Variants in MKLN1 observed in about 807,000 individuals in gnomAD.
MKLN1 encodes the protein muskelin.
In MKLN1, 18 loss-of-function variants were observed where a neutral mutation model predicts 99.0. That is an observed-to-expected ratio of 0.18 (90% CI 0.13 to 0.27). The LOEUF (loss-of-function observed/expected upper bound fraction) is 0.27. Ranked by LOEUF, MKLN1 falls within the 10% of genes least tolerant of loss-of-function variation. The pLI is 1.00. For missense variants in MKLN1, 621 were observed against 875.9 expected (o/e 0.71, Z 3.67); for synonymous variants, 288 against 293.2 (o/e 0.98, Z 0.18).
chr7:131,268,452 T>C (rs1797839017), intron 3 of MKLN1, among the ~76,000 whole-genome samples: 1 of 152,212 alleles, frequency 6.6e-6, no homozygotes, highest in Admixed American at 6.5e-5. Flanking sequence ...ATTGTTCTTG[T>C]CAAGGTCCAA....
intron 3 of MKLN1, among the ~76,000 whole-genome samples, chr7:131,264,241 T>A (rs1797775366): frequency 6.6e-6 from 1 of 152,216 alleles, no homozygotes. Context: ...TATGGCATTT[T>A]AAAATAGCCC....
At chr7:131,160,489 ATTAATTATT>A (rs1001607385) in intron 2 of MKLN1, among the ~76,000 whole-genome samples, 4 of 128,042 alleles carry the variant, frequency 3.1e-5, no homozygotes, top group African/African-American at 1.2e-4. Context: ...TATTATTATT[ATTAATTATT>A]ATTATTATTA....
chr7:131,412,073 C>A (rs1036840040), intron 7 of MKLN1, among the ~76,000 whole-genome samples: 1 of 151,896 alleles, frequency 6.6e-6, no homozygotes, highest in Non-Finnish European at 1.5e-5. Context: ...GGCAACAGAG[C>A]GAGACTCTGT....
At chr7:131,233,160 C>T (rs976117224) in intron 3 of MKLN1, among the ~76,000 whole-genome samples, 4 of 151,840 alleles carry the variant, frequency 2.6e-5, no homozygotes, top group African/African-American at 7.3e-5. Flanking sequence ...AGCAACATAG[C>T]GAGATTCTGT....
intron 1 of MKLN1, 115 bp downstream of exon 1, chr7:131,328,112 G>A (rs1798945457): frequency 3.9e-6 from 5 of 1,279,504 alleles, no homozygotes; most frequent in Admixed American, 4.6e-5. Flanking sequence ...CTGCTGAGGG[G>A]GACGTGCGGC....
chr7:131,250,595 A>G (rs114979769), intron 3 of MKLN1, among the ~76,000 whole-genome samples: 195 of 152,294 alleles, frequency 1.3e-3, no homozygotes, highest in African/African-American at 4.6e-3. Flanking sequence ...TTGGGTCACA[A>G]GGCTGTGGTG....
intron 2 of MKLN1, among the ~76,000 whole-genome samples, chr7:131,188,232 A>G (rs2116375633): frequency 6.6e-6 from 1 of 152,292 alleles, no homozygotes; most frequent in East Asian, 1.9e-4. Flanking sequence ...CTTCCTAGCC[A>G]TGGGGGGCGT....
intron 2 of MKLN1, among the ~76,000 whole-genome samples, chr7:131,188,520 C>T (rs988944313): frequency 6.6e-6 from 1 of 152,142 alleles, no homozygotes; most frequent in Non-Finnish European, 1.5e-5. Context: ...ATCCTCCAGC[C>T]GGCTAGCCTG....
intron 1 of MKLN1, among the ~76,000 whole-genome samples, chr7:131,338,788 T>C (rs1461803365): frequency 6.6e-6 from 1 of 152,232 alleles, no homozygotes; most frequent in Admixed American, 6.5e-5. Flanking sequence ...TGGGAAAGAA[T>C]TGTGGAACTT....
intron 2 of MKLN1, among the ~76,000 whole-genome samples, chr7:131,165,176 G>A (rs989412304): frequency 2.0e-5 from 3 of 151,256 alleles, no homozygotes; most frequent in African/African-American, 4.8e-5. Context: ...GGGTGTTTTC[G>A]TTGTTGTTGT....
Position 131,187,469 on chromosome 7 carries a change from G to A in MKLN1, c.-296-15388G>A, listed in dbSNP as rs374590605. Among the ~76,000 whole-genome samples the A allele has an allele frequency of 2.4e-4, 36 of 152,204 alleles. No individual in the cohort carries two copies. The South Asian group carries it at 3.3e-3, about 14-fold the overall frequency. ...GCCTGAGGGCCAAATCTGATCCACC[G>A]CCTGTTTCTGTAATTAAGTTTTACT... On this transcript the variant is annotated intron_variant, in intron 2 of 7. Transcript: ENST00000416992.
chr7:131,162,696 C>T (rs1796072443), intron 2 of MKLN1, among the ~76,000 whole-genome samples: 1 of 152,116 alleles, frequency 6.6e-6, no homozygotes, highest in Non-Finnish European at 1.5e-5. Flanking sequence ...ATCCGAAATA[C>T]TTGTGGTCCC....
chr7:131,241,132 C>A (rs1480126261), intron 3 of MKLN1, among the ~76,000 whole-genome samples: 1 of 152,158 alleles, frequency 6.6e-6, no homozygotes, highest in African/African-American at 2.4e-5. Context: ...GATCCCAGCA[C>A]TTTGGGAGGC....
chr7:131,297,382 ATG>A lies in MKLN1; in HGVS notation c.-178-78032_-178-78031del, dbSNP rs199551237. Among the ~76,000 whole-genome samples the A allele has an allele frequency of 9.0e-3, 1,324 of 147,396 alleles. 15 individuals carry two copies. The highest frequency in any genetic ancestry group is 0.012 in the Non-Finnish European group (785 of 67,096). On this transcript the variant is annotated intron_variant, in intron 3 of 7. Transcript: ENST00000416992. ...CTCAAAAAACAAAATATATATATAT[ATG>A]TGTGTGTGTATATATATACACAAAT... is the stretch of plus-strand genomic sequence containing the variant.
At chr7:131,416,979 C>CAAAAAAAA (rs374145180) in intron 8 of MKLN1, among the ~76,000 whole-genome samples, 1 of 49,564 alleles carries the variant, frequency 2.0e-5, no homozygotes, top group Non-Finnish European at 4.5e-5. Context: ...GCAACCCTGT[C>CAAAAAAAA]AAAAAAAAAA....
intron 2 of MKLN1, among the ~76,000 whole-genome samples, chr7:131,380,116 T>TC: frequency 6.6e-6 from 1 of 152,280 alleles, no homozygotes; most frequent in South Asian, 2.1e-4. Flanking sequence ...CCAGAAATAA[T>TC]CTGGCCCTCA....
At chr7:131,477,045 G>A (rs1380389157) in intron 16 of MKLN1, among the ~76,000 whole-genome samples, 1 of 152,128 alleles carries the variant, frequency 6.6e-6, no homozygotes, top group Non-Finnish European at 1.5e-5. Context: ...ACTGTTTACT[G>A]AAACATTAAT....
At position 131,375,358 on chromosome 7, in the gene MKLN1, T is replaced by C. The variant is rs73488977; in HGVS notation, c.99-66T>C. ...ATAACTTTATGATAATTTCAGCATC[T>C]GGTAGATTATTCCTGTTTTTGCCTA... On this transcript the variant is annotated intron_variant, in intron 1 of 17. Coordinates refer to ENST00000352689, the MANE Select transcript of MKLN1 (RefSeq NM_013255.5). 876 of 956,340 alleles carry C rather than the reference T, an allele frequency of 9.2e-4. 4 individuals carry two copies. Among genetic ancestry groups the C allele is most frequent in the African/African-American group, 5.1e-3 (320 of 62,158 alleles). The allele number at this position is 956,340 out of a possible 1,614,324, so 59.2% of individuals were successfully genotyped here.
At chr7:131,224,667 A>G (rs1797113908) in intron 3 of MKLN1, among the ~76,000 whole-genome samples, 1 of 151,448 alleles carries the variant, frequency 6.6e-6, no homozygotes, top group Non-Finnish European at 1.5e-5. Context: ...ACTTGAACCC[A>G]GGAGTTGGAG....
Sources: gnomAD v4.1 joint callset for allele counts (sites outside exome capture counted in the v4.1 genomes callset) on GRCh38, gnomAD v4.1.1 for gene constraint, MANE v1.5 for transcripts, NCBI Gene and HGNC (gene_info 2026-07-23, HGNC 2026-07-21) for gene names.